LRRC4C: variants seen among roughly 807,000 people sequenced by gnomAD.
LRRC4C encodes leucine rich repeat containing 4C.
Under a neutral mutation model 33.6 loss-of-function variants are expected in LRRC4C, and 5 were observed. The ratio of observed to expected loss-of-function variants is 0.15; its 90% confidence interval spans 0.08 to 0.31. The LOEUF (loss-of-function observed/expected upper bound fraction) is 0.31. Ranked by LOEUF, LRRC4C falls within the 10% of genes least tolerant of loss-of-function variation. LRRC4C has a pLI of 1.00. For synonymous variants in LRRC4C, 329 were observed against 302.0 expected, an observed-to-expected ratio of 1.09 and a Z score of -0.93; for missense variants, 560 against 796.7, an observed-to-expected ratio of 0.70 and a Z score of 3.58.
intron 1 of LRRC4C, among the ~76,000 whole-genome samples, chr11:41,178,732 C>T (rs564578738): frequency 1.6e-3 from 245 of 152,292 alleles, no homozygotes; most frequent in African/African-American, 5.7e-3. Flanking sequence ...GAGACGGAGT[C>T]TCGCTCTGTC....
chr11:41,123,261 G>GTTTTTT (rs1217714729), intron 1 of LRRC4C, among the ~76,000 whole-genome samples: 58 of 48,100 alleles, frequency 1.2e-3, no homozygotes, highest in African/African-American at 3.1e-3. Context: ...GCTATGTTTT[G>GTTTTTT]TTTTTTTTTT....
intron 1 of LRRC4C, among the ~76,000 whole-genome samples, chr11:41,329,418 T>G (rs1951223327): frequency 6.6e-6 from 1 of 152,204 alleles, no homozygotes; most frequent in Admixed American, 6.5e-5. Flanking sequence ...CTCTTCTTTT[T>G]GCAATATGTT....
intron 1 of LRRC4C, among the ~76,000 whole-genome samples, chr11:41,102,975 A>G (rs1030317624): frequency 1.3e-5 from 2 of 152,100 alleles, no homozygotes; most frequent in Admixed American, 6.6e-5. Flanking sequence ...CTGAATGTCA[A>G]TTCAAAAGGA....
intron 1 of LRRC4C, among the ~76,000 whole-genome samples, chr11:41,433,016 G>A (rs1955295515): frequency 6.6e-6 from 1 of 152,082 alleles, no homozygotes; most frequent in South Asian, 2.1e-4. Context: ...TATGGCAAAA[G>A]GAGGGATTCT....
At chr11:40,923,230 A>G (rs1435521916) in intron 2 of LRRC4C, among the ~76,000 whole-genome samples, 1 of 152,232 alleles carries the variant, frequency 6.6e-6, no homozygotes, top group African/African-American at 2.4e-5. Context: ...TTGGGTAAAG[A>G]TCTAACAATC....
intron 3 of LRRC4C, among the ~76,000 whole-genome samples, chr11:40,433,030 A>C (rs1046858277): frequency 2.0e-5 from 3 of 152,214 alleles, no homozygotes; most frequent in Admixed American, 1.3e-4. Context: ...AAGTCATAAT[A>C]CAGAGTTGAT....
At chr11:40,590,556 G>T (rs1220197885) in intron 3 of LRRC4C, among the ~76,000 whole-genome samples, 1 of 152,090 alleles carries the variant, frequency 6.6e-6, no homozygotes, top group Admixed American at 6.5e-5. Context: ...GAGGCGCTCT[G>T]CTTTTTAGAG....
At chr11:40,977,003 C>T (rs1183581373) in intron 1 of LRRC4C, among the ~76,000 whole-genome samples, 15 of 152,080 alleles carry the variant, frequency 9.9e-5, no homozygotes, top group Non-Finnish European at 2.2e-4. Context: ...AGCTTGTTTT[C>T]CTGTAGCTAG....
chr11:40,650,452 G>A (rs905691050), intron 2 of LRRC4C, among the ~76,000 whole-genome samples: 1 of 152,100 alleles, frequency 6.6e-6, no homozygotes. Flanking sequence ...CTTCTTTTAT[G>A]TATATGCTGT....
chr11:40,905,008 G>A (rs916473028), intron 2 of LRRC4C, among the ~76,000 whole-genome samples: 9 of 151,994 alleles, frequency 5.9e-5, no homozygotes, highest in East Asian at 1.9e-4. Flanking sequence ...ACGTGCACAC[G>A]CCCACCCCCT....
At chr11:41,277,754 G>C (rs1452618664) in intron 1 of LRRC4C, among the ~76,000 whole-genome samples, 1 of 152,096 alleles carries the variant, frequency 6.6e-6, no homozygotes, top group Non-Finnish European at 1.5e-5. Flanking sequence ...CTAGAAATTT[G>C]ACTAACATTG....
intron 1 of LRRC4C, among the ~76,000 whole-genome samples, chr11:41,047,971 A>G (rs529477013): frequency 6.6e-6 from 1 of 152,266 alleles, no homozygotes; most frequent in African/African-American, 2.4e-5. Context: ...CTGATCTCCC[A>G]AAGCATTTTA....
chr11:40,299,046 C>T (rs922275123), intron 4 of LRRC4C, among the ~76,000 whole-genome samples: 3 of 152,096 alleles, frequency 2.0e-5, no homozygotes, highest in East Asian at 1.9e-4. Flanking sequence ...TTGTATAAAA[C>T]GAAAGCAAGT....
chr11:40,756,512 C>A (rs1948954168), intron 2 of LRRC4C, among the ~76,000 whole-genome samples: 1 of 152,008 alleles, frequency 6.6e-6, no homozygotes, highest in Non-Finnish European at 1.5e-5. Flanking sequence ...AAACCTATAT[C>A]CAAGTACACT....
intron 4 of LRRC4C, among the ~76,000 whole-genome samples, chr11:40,313,568 A>G (rs1479000720): frequency 6.6e-6 from 1 of 151,180 alleles, no homozygotes; most frequent in African/African-American, 2.4e-5. Context: ...CTATGAAACA[A>G]TTAAAAGAAA....
chr11:40,486,036 AAATGAG>A (rs1953846378), intron 3 of LRRC4C, among the ~76,000 whole-genome samples: 1 of 151,898 alleles, frequency 6.6e-6, no homozygotes, highest in Non-Finnish European at 1.5e-5. Flanking sequence ...GAAAAATAAC[AAATGAG>A]TACTAGGCTT....
At chr11:40,179,752 T>C (rs571695264) in intron 5 of LRRC4C, among the ~76,000 whole-genome samples, 26 of 152,242 alleles carry the variant, frequency 1.7e-4, no homozygotes, top group African/African-American at 5.1e-4. Context: ...CCAGACATCA[T>C]TGGGTAAAAC....
chr11:41,158,672 C>T (rs1944337335), intron 1 of LRRC4C, among the ~76,000 whole-genome samples: 1 of 152,114 alleles, frequency 6.6e-6, no homozygotes, highest in African/African-American at 2.4e-5. Context: ...CTTTCTCCTA[C>T]ATTTATGCTT....
chr11:40,760,690 A>G lies in LRRC4C; in HGVS notation c.-406-112412T>C, dbSNP rs1391432387. ...TAGTTGTGCAATCTTGGCTCACTGC[A>G]ACCTCTGCTTCTTGAGCTCAAGTGA... On this transcript the variant is annotated intron_variant, in intron 2 of 6. Coordinates refer to ENST00000528697, the MANE Select transcript of LRRC4C (RefSeq NM_001258419.2). 2.7e-5 allele frequency among the ~76,000 whole-genome samples: 4 copies of G among 150,394 alleles called. No individual in the cohort carries two copies. The Admixed American group carries it at 2.7e-4, about 10-fold the overall frequency.
Sources: gnomAD v4.1 joint callset for allele counts (sites outside exome capture counted in the v4.1 genomes callset) on GRCh38, gnomAD v4.1.1 for gene constraint, MANE v1.5 for transcripts, NCBI Gene and HGNC (gene_info 2026-07-23, HGNC 2026-07-21) for gene names.